Variants in EPHB1 observed in about 807,000 individuals in gnomAD.
EPHB1 encodes EPH receptor B1.
EPHB1 carries 30 observed loss-of-function variants against 94.4 expected under a neutral mutation model. That is an observed-to-expected ratio of 0.32 (90% CI 0.24 to 0.43). The LOEUF is 0.43. EPHB1 is among the 20% of genes least tolerant of loss of function. EPHB1 has a pLI of 1.00. For synonymous variants in EPHB1, 522 were observed against 489.1 expected (o/e 1.07, Z -0.89); for missense variants, 1,055 against 1,308.3 (o/e 0.81, Z 2.99).
chr3:135,146,430 A>C (rs962042356), intron 5 of EPHB1, among the ~76,000 whole-genome samples: 2 of 152,262 alleles, frequency 1.3e-5, no homozygotes, highest in African/African-American at 4.8e-5. Context: ...ACAGGTGACG[A>C]GACCTGTGGA....
chr3:134,819,948 G>A (rs899108682), intron 1 of EPHB1, among the ~76,000 whole-genome samples: 3 of 152,178 alleles, frequency 2.0e-5, no homozygotes, highest in Non-Finnish European at 4.4e-5. Context: ...TCAGCTAATT[G>A]CTGTAACACC....
intron 12 of EPHB1, among the ~76,000 whole-genome samples, chr3:135,229,793 T>C (rs1313081646): frequency 6.6e-6 from 1 of 152,160 alleles, no homozygotes; most frequent in Non-Finnish European, 1.5e-5. Flanking sequence ...TTGCCAGCTG[T>C]ATTGCCTGCC....
chr3:134,909,327 A>G lies in EPHB1; in HGVS notation c.59-16489A>G, dbSNP rs79803332. 5.8e-3 allele frequency among the ~76,000 whole-genome samples: 883 copies of G among 152,364 alleles called. 4 individuals are homozygous for G. The highest frequency in any genetic ancestry group is 0.02 in the African/African-American group (838 of 41,584). On this transcript the variant is annotated intron_variant, in intron 1 of 15. Coordinates refer to ENST00000398015, the MANE Select transcript of EPHB1 (RefSeq NM_004441.5). ...TTCTGAAAGTTGGAACCAGCTAACA[A>G]GAAAATGTCTCTCTGGGAAAGTAGT...
intron 2 of EPHB1, among the ~76,000 whole-genome samples, chr3:134,933,799 G>C (rs1401012536): frequency 6.6e-6 from 1 of 152,166 alleles, no homozygotes; most frequent in Non-Finnish European, 1.5e-5. Flanking sequence ...TCTTCAGAGA[G>C]TGGGTTCCAG....
chr3:135,110,562 G>T (rs1939399896), intron 4 of EPHB1, among the ~76,000 whole-genome samples: 1 of 152,182 alleles, frequency 6.6e-6, no homozygotes, highest in African/African-American at 2.4e-5. Flanking sequence ...AATTGGGTAT[G>T]CTGGAACTCA....
Position 135,006,446 on chromosome 3 carries a change from A to G in EPHB1, c.805+54394A>G, listed in dbSNP as rs575459582. On this transcript the variant is annotated intron_variant, in intron 3 of 15. Transcript: ENST00000398015. ...AATGGATTTAATGCAACTAAGTTAT[A>G]TTCTTACAAATGGTTAAAATGATAA... is the stretch of plus-strand genomic sequence containing the variant. Among the ~76,000 whole-genome samples the G allele has an allele frequency of 1.9e-3, 287 of 152,376 alleles. 1 individual carries two copies. Among genetic ancestry groups the G allele is most frequent in the African/African-American group, 6.8e-3 (281 of 41,596 alleles).
At chr3:134,968,906 C>A (rs559083196) in intron 3 of EPHB1, among the ~76,000 whole-genome samples, 1 of 152,292 alleles carries the variant, frequency 6.6e-6, no homozygotes, top group South Asian at 2.1e-4. Flanking sequence ...CTTTTAATTG[C>A]TGAGTAGTAT....
intron 12 of EPHB1, among the ~76,000 whole-genome samples, chr3:135,205,553 G>C (rs1942879229): frequency 6.6e-6 from 1 of 152,046 alleles, no homozygotes; most frequent in Non-Finnish European, 1.5e-5. Flanking sequence ...ATTGGGAAGG[G>C]GGTTTGTTTT....
At chr3:135,228,446 C>T (rs1373563858) in intron 12 of EPHB1, among the ~76,000 whole-genome samples, 3 of 151,924 alleles carry the variant, frequency 2.0e-5, no homozygotes, top group African/African-American at 7.3e-5. Context: ...CTGTTTATTC[C>T]CCCAAAGCCT....
chr3:134,882,130 C>A (rs1183916847), intron 1 of EPHB1, among the ~76,000 whole-genome samples: 1 of 152,160 alleles, frequency 6.6e-6, no homozygotes, highest in African/African-American at 2.4e-5. Flanking sequence ...GAATCATATA[C>A]ACATAAATTA....
chr3:134,995,946 T>C (rs1158412242), intron 3 of EPHB1, among the ~76,000 whole-genome samples: 4 of 150,892 alleles, frequency 2.7e-5, no homozygotes, highest in African/African-American at 9.8e-5. Flanking sequence ...ATAATGTGCA[T>C]GTATTATTTT....
At chr3:135,184,875 A>G (rs1378104836) in intron 10 of EPHB1, among the ~76,000 whole-genome samples, 1 of 152,182 alleles carries the variant, frequency 6.6e-6, no homozygotes, top group African/African-American at 2.4e-5. Context: ...TCATAGGTCA[A>G]CTCCAATGCA....
At position 135,240,537 on chromosome 3, in the gene EPHB1, T is replaced by C. The variant is rs1943756110; in HGVS notation, c.2347-611T>C. Among the ~76,000 whole-genome samples, 5 of 152,270 alleles carry C rather than the reference T, an allele frequency of 3.3e-5. No homozygotes were observed. In the South Asian group the frequency reaches 1.0e-3, roughly 32 times the overall value. On this transcript the variant is annotated intron_variant, in intron 12 of 15. Transcript: ENST00000398015. The stretch of plus-strand genomic sequence containing the variant: ...TGAAGGGCTGGCAGGACAGCCAGCA[T>C]GTAGAAAGACCACAGCACTGGGACC...
chr3:135,043,796 G>T (rs1936921776), intron 3 of EPHB1, among the ~76,000 whole-genome samples: 1 of 152,172 alleles, frequency 6.6e-6, no homozygotes, highest in African/African-American at 2.4e-5. Flanking sequence ...CCACGTTAGT[G>T]CTTGGGAAGG....
intron 1 of EPHB1, among the ~76,000 whole-genome samples, chr3:134,826,800 T>C (rs2036487869): frequency 6.6e-6 from 1 of 152,192 alleles, no homozygotes; most frequent in African/African-American, 2.4e-5. Context: ...CTTTCTATTT[T>C]GTAGGGGGAA....
At chr3:135,194,850 G>C (rs986793999) in intron 11 of EPHB1, among the ~76,000 whole-genome samples, 1 of 152,176 alleles carries the variant, frequency 6.6e-6, no homozygotes, top group African/African-American at 2.4e-5. Context: ...TGCACACCTG[G>C]TAAATGCTAG....
At chr3:135,037,756 A>G (rs958986839) in intron 3 of EPHB1, among the ~76,000 whole-genome samples, 1 of 152,176 alleles carries the variant, frequency 6.6e-6, no homozygotes, top group Admixed American at 6.5e-5. Context: ...TGAAATGTGG[A>G]TTTTACATTT....
chr3:135,038,494 G>A (rs982892006), intron 3 of EPHB1, among the ~76,000 whole-genome samples: 1 of 152,196 alleles, frequency 6.6e-6, no homozygotes, highest in African/African-American at 2.4e-5. Flanking sequence ...AGCTGACCCT[G>A]TCAAGGTGCC....
At chr3:135,150,957 T>C (rs940560534) in intron 5 of EPHB1, among the ~76,000 whole-genome samples, 2 of 152,350 alleles carry the variant, frequency 1.3e-5, no homozygotes, top group East Asian at 3.9e-4. Flanking sequence ...GCAGCCCCAT[T>C]CTTCCAGATG....
Sources: allele counts gnomAD v4.1 joint callset (sites outside exome capture counted in the v4.1 genomes callset), GRCh38; gene constraint gnomAD v4.1.1; transcripts MANE v1.5; gene names NCBI Gene and HGNC (gene_info 2026-07-23, HGNC 2026-07-21).